ACTN4: variants seen among roughly 807,000 people sequenced by gnomAD.
ACTN4 encodes actinin alpha 4.
A neutral mutation model predicts 114.2 loss-of-function variants in ACTN4; 18 were observed. The observed-to-expected ratio is 0.16, with a 90% CI of 0.11 to 0.23. The LOEUF (loss-of-function observed/expected upper bound fraction) is 0.23. Ranked by LOEUF, ACTN4 falls within the 10% of genes least tolerant of loss-of-function variation. ACTN4 has a pLI of 1.00. For missense variants in ACTN4, 722 were observed against 1,262.9 expected (o/e 0.57, Z 6.49); for synonymous variants, 515 against 506.3 (o/e 1.02, Z -0.23).
At chr19:38,690,258 C>T (rs1967880356) in intron 1 of ACTN4, among the ~76,000 whole-genome samples, 1 of 152,228 alleles carries the variant, frequency 6.6e-6, no homozygotes, top group South Asian at 2.1e-4. Context: ...GCTGAGCTTT[C>T]GCTCACCATC....
Position 38,670,059 on chromosome 19 carries a change from G to A in ACTN4, c.162+22152G>A, listed in dbSNP as rs147499715. ...GGGTCGTTCCTCAGGGGTCCCCAGA[G>A]CCAGTGTATCTGGTATTTCTAACAT... On this transcript the variant is annotated intron_variant, in intron 1 of 20. Coordinates refer to ENST00000252699, the MANE Select transcript of ACTN4 (RefSeq NM_004924.6). Among the ~76,000 whole-genome samples, 325 of 152,322 alleles carry A rather than the reference G, an allele frequency of 2.1e-3. 2 individuals are homozygous for A. Among genetic ancestry groups the A allele is most frequent in the African/African-American group, 7.4e-3 (309 of 41,588 alleles).
At chr19:38,692,011 G>A (rs1389466430) in intron 1 of ACTN4, among the ~76,000 whole-genome samples, 9 of 152,170 alleles carry the variant, frequency 5.9e-5, no homozygotes, top group Non-Finnish European at 1.3e-4. Context: ...GGAGGGGGCC[G>A]GGTGCAAAGA....
At chr19:38,691,902 AAAAC>A (rs766275096) in intron 1 of ACTN4, among the ~76,000 whole-genome samples, 21 of 152,174 alleles carry the variant, frequency 1.4e-4, no homozygotes, top group South Asian at 6.2e-4. Context: ...ACTCTGTCTC[AAAAC>A]AAACAAACAA....
rs1018818508 is a variant in ACTN4, at chr19:38,727,212, C to T, written c.2337+109C>T. On this transcript the variant is annotated intron_variant, in intron 18 of 20. Transcript: ENST00000252699. This position sits in a 1 kb window ranked among gnomAD's most constrained non-coding sequence, Gnocchi z 5.4. ...CATTCCCATCACAGTTGCTGAGCGTCGGCCGCCACTCCCAGGGCCAGCAGG... is the reference window on the plus strand; with the variant it reads ...CATTCCCATCACAGTTGCTGAGCGTTGGCCGCCACTCCCAGGGCCAGCAGG... The T allele has an allele frequency of 4.1e-5, 61 of 1,501,266 alleles. No homozygotes were observed. Among genetic ancestry groups the T allele is most frequent in the East Asian group, 2.7e-4 (11 of 40,596 alleles). 93.0% of individuals were successfully genotyped at this position (1,501,266 alleles called of 1,614,324 possible). A position where few individuals can be genotyped will look rare whatever the true frequency, so the allele number is the denominator to read the frequency against.
chr19:38,717,397 T>C lies in ACTN4; in HGVS notation c.1143+81T>C. Reference sequence around the variant, plus strand: ...CTGCCTGTGGGCAGTTTGGCCAGCGTAATCTTTCCTAAGTTGTTGATGTCC... The same window carrying C: ...CTGCCTGTGGGCAGTTTGGCCAGCGCAATCTTTCCTAAGTTGTTGATGTCC... On this transcript the variant is annotated intron_variant, in intron 10 of 20. Transcript: ENST00000252699. This position sits in a 1 kb window ranked among gnomAD's most constrained non-coding sequence, Gnocchi z 4.0. 6.6e-7 allele frequency: 1 copy of C among 1,526,242 alleles called. No homozygotes were observed. The highest frequency in any genetic ancestry group is 1.2e-5 in the South Asian group (1 of 84,740). The allele number at this position is 1,526,242 out of a possible 1,614,324, so 94.5% of individuals were successfully genotyped here. A position where few individuals can be genotyped will look rare whatever the true frequency, so the allele number is the denominator to read the frequency against.
chr19:38,710,275 G>A lies in ACTN4; in HGVS notation c.752G>A (p.Arg251Gln), dbSNP rs561181666. The change falls in exon 8 of 21, where the codon CGG becomes CAG. Residue 251 changes from arginine (R) to glutamine (Q), a missense_variant. By Grantham distance (43) the Arg-to-Gln change is conservative. Transcript: ENST00000252699. ...CTTGCAGACATCGTGAACACGGCCCGGCCCGACGAGAAGGCCATAATGACC... is the reference window on the plus strand; with the variant it reads ...CTTGCAGACATCGTGAACACGGCCCAGCCCGACGAGAAGGCCATAATGACC... The part of the protein sequence containing the change: ...LDAEDIVNTA[R>Q]PDEKAIMTYV... 11 of 1,614,100 alleles carry A rather than the reference G, an allele frequency of 6.8e-6. No individual in the cohort carries two copies. Among genetic ancestry groups the A allele is most frequent in the Admixed American group, 5.0e-5 (3 of 60,026 alleles).
At chr19:38,657,146 A>ATT (rs60937573) in intron 1 of ACTN4, among the ~76,000 whole-genome samples, 1 of 133,828 alleles carries the variant, frequency 7.5e-6, no homozygotes, top group African/African-American at 2.8e-5. Context: ...GCTAATTTTA[A>ATT]TTTTTTTTTT....
intron 1 of ACTN4, among the ~76,000 whole-genome samples, chr19:38,660,705 A>G (rs1020710570): frequency 1.3e-5 from 2 of 152,188 alleles, no homozygotes; most frequent in African/African-American, 4.8e-5. Flanking sequence ...CCATGGACTC[A>G]CTTGTATAAT....
chr19:38,724,192 C>T lies in ACTN4; in HGVS notation c.1728C>T (p.Thr576=), dbSNP rs745624775. 7 of 1,613,940 alleles carry T rather than the reference C, an allele frequency of 4.3e-6. No homozygotes were observed. The highest frequency in any genetic ancestry group is 1.1e-5 in the South Asian group (1 of 91,084). ...LISAHDQFKS[T]LPDADREREA... ...CAGCCCATGACCAGTTCAAGTCCACCCTGCCGGACGCCGATAGGGAGCGCG... is the reference window on the plus strand; with the variant it reads ...CAGCCCATGACCAGTTCAAGTCCACTCTGCCGGACGCCGATAGGGAGCGCG... The change falls in exon 15 of 21, where the codon ACC becomes ACT. Residue 576 remains threonine (T), a synonymous_variant. Coordinates refer to ENST00000252699, the MANE Select transcript of ACTN4 (RefSeq NM_004924.6). This position sits in a 1 kb window ranked among gnomAD's most constrained non-coding sequence, Gnocchi z 7.0.
intron 1 of ACTN4, among the ~76,000 whole-genome samples, chr19:38,690,409 C>T (rs559751512): frequency 1.1e-4 from 17 of 152,230 alleles, no homozygotes; most frequent in Admixed American, 6.5e-4. Flanking sequence ...TGTTCCTGTG[C>T]GGCTCAGTGC....
In ACTN4 at chr19:38,717,419, G is replaced by T; in HGVS notation, c.1143+103G>T. ...GCGTAATCTTTCCTAAGTTGTTGAT[G>T]TCCTGTGGGACATGGCATGGCCTTT... On this transcript the variant is annotated intron_variant, in intron 10 of 20. Transcript: ENST00000252699. This position sits in a 1 kb window ranked among gnomAD's most constrained non-coding sequence, Gnocchi z 4.0. 1 of 1,455,996 alleles carries T rather than the reference G, an allele frequency of 6.9e-7. No homozygotes were observed. 90.2% of individuals were successfully genotyped at this position (1,455,996 alleles called of 1,614,324 possible). A position where few individuals can be genotyped will look rare whatever the true frequency, so the allele number is the denominator to read the frequency against.
chr19:38,692,660 G>A (rs1967968183), intron 1 of ACTN4, among the ~76,000 whole-genome samples: 1 of 152,136 alleles, frequency 6.6e-6, no homozygotes, highest in Non-Finnish European at 1.5e-5. Flanking sequence ...CTGAAAAGAT[G>A]CCCCAGTGGG....
Position 38,731,373 on chromosome 19 carries a change from C to G in ACTN4, c.*1941C>G. 1 of 649,520 alleles carries G rather than the reference C, an allele frequency of 1.5e-6. No individual in the cohort carries two copies. Among genetic ancestry groups the G allele is most frequent in the Non-Finnish European group, 2.8e-6 (1 of 358,352 alleles). The allele number at this position is 649,520 out of a possible 1,614,324, so 40.2% of individuals were successfully genotyped here. ...CCCGGCAGGGTGAGTACAGGCTGAT[C>G]CCTTCAATCCTCTGGGCCTGTTTCC... On this transcript the variant is annotated 3_prime_UTR_variant, in exon 21 of 21. Transcript: ENST00000252699.
intron 17 of ACTN4, 24 bp downstream of exon 17, chr19:38,725,927 G>T: frequency 6.2e-7 from 1 of 1,613,000 alleles, no homozygotes; most frequent in Non-Finnish European, 8.5e-7. Context: ...CCGCCCGCTG[G>T]CCTTTCCACC....
intron 1 of ACTN4, among the ~76,000 whole-genome samples, chr19:38,651,693 T>A (rs2144818062): frequency 6.6e-6 from 1 of 152,234 alleles, no homozygotes; most frequent in South Asian, 2.1e-4. Context: ...AGTTAACTAT[T>A]TGAAAGTTTT....
At chr19:38,713,566 C>A (rs190291719) in intron 8 of ACTN4, among the ~76,000 whole-genome samples, 1 of 152,144 alleles carries the variant, frequency 6.6e-6, no homozygotes, top group South Asian at 2.1e-4. Flanking sequence ...TGCGTGTGTG[C>A]GCTCACACGA....
chr19:38,713,329 C>T (rs1968726752), intron 8 of ACTN4, among the ~76,000 whole-genome samples: 1 of 152,230 alleles, frequency 6.6e-6, no homozygotes, highest in Non-Finnish European at 1.5e-5. Flanking sequence ...CTTGCGGCAG[C>T]CCCGTGCTCA....
chr19:38,712,227 A>C (rs1968679980), intron 8 of ACTN4, among the ~76,000 whole-genome samples: 1 of 151,994 alleles, frequency 6.6e-6, no homozygotes, highest in Non-Finnish European at 1.5e-5. Flanking sequence ...TTAGGGAAAC[A>C]GCTATTCCTA....
chr19:38,680,947 G>A (rs1967547644), intron 1 of ACTN4, among the ~76,000 whole-genome samples: 1 of 151,900 alleles, frequency 6.6e-6, no homozygotes, highest in Non-Finnish European at 1.5e-5. Flanking sequence ...CCAACATGGT[G>A]AAACCCCGTC....
Sources: allele counts gnomAD v4.1 joint callset (sites outside exome capture counted in the v4.1 genomes callset), GRCh38; gene constraint gnomAD v4.1.1; non-coding constraint Gnocchi (gnomAD v3.1); transcripts MANE v1.5; gene names NCBI Gene and HGNC (gene_info 2026-07-23, HGNC 2026-07-21).